Variants in MOK observed in about 807,000 individuals in gnomAD.
MOK encodes the protein MOK protein kinase, also known as MAPK/MAK/MRK overlapping kinase.
A neutral mutation model predicts 54.2 loss-of-function variants in MOK; 59 were observed. The ratio of observed to expected loss-of-function variants is 1.09; its 90% confidence interval spans 0.88 to 1.35. MOK has a LOEUF of 1.35. Ranked by LOEUF, MOK falls within the 40% of genes most tolerant of loss-of-function variation. The pLI is 0.00. For missense variants in MOK, 517 were observed against 526.2 expected (o/e 0.98, Z 0.17); for synonymous variants, 210 against 202.7 (o/e 1.04, Z -0.31).
chr14:102,222,087 C>T (rs961125248), downstream of MOK, among the ~76,000 whole-genome samples: 118 of 151,768 alleles, frequency 7.8e-4, 1 homozygote, highest in Non-Finnish European at 2.2e-4. The surrounding 1 kb of genome is among the most constrained non-coding windows in gnomAD (Gnocchi z 4.4). Flanking sequence ...TGAGATTCCC[C>T]GCCCCCGCCC....
At chr14:102,290,982 C>T (rs2070706971) in intron 1 of MOK, among the ~76,000 whole-genome samples, 1 of 152,168 alleles carries the variant, frequency 6.6e-6, no homozygotes, top group Admixed American at 6.6e-5. Flanking sequence ...CTATTAGAAT[C>T]CCTTTTATCC....
intron 3 of MOK, chr14:102,264,210 CAA>C (rs66463478): frequency 0.18 from 15,888 of 88,192 alleles, 651 homozygotes; most frequent in South Asian, 0.25. Context: ...GACCCTGTCT[CAA>C]AAAAAAAAAA....
At chr14:102,216,270 C>T in the MOK span, among the ~76,000 whole-genome samples, 2 of 152,348 alleles carry the variant, frequency 1.3e-5, no homozygotes, top group African/African-American at 2.4e-5. Flanking sequence ...CTACGACTGC[C>T]ACAAGAGTGC....
At position 102,245,079 on chromosome 14, in the gene MOK, C is replaced by T. The variant is rs552389836; in HGVS notation, c.590+5733G>A. On this transcript the variant is annotated intron_variant, in intron 7 of 11. Transcript: ENST00000361847. The surrounding 1 kb of genome is among the most constrained non-coding windows in gnomAD (Gnocchi z 4.3). ...CCTCCCAATTCTTAGTCCTTTAATA[C>T]CTGTTTTTCTCCTTCTCTTATTTGG... Among the ~76,000 whole-genome samples, 12 of 152,248 alleles carry T rather than the reference C, an allele frequency of 7.9e-5. No individual in the cohort carries two copies. The South Asian group carries it at 2.5e-3, about 32-fold the overall frequency.
chr14:102,254,935 A>G (rs1056328171), intron 4 of MOK, among the ~76,000 whole-genome samples: 4 of 152,216 alleles, frequency 2.6e-5, no homozygotes, highest in Non-Finnish European at 5.9e-5. Flanking sequence ...TCTTACTCGT[A>G]TCATAAAATT....
At chr14:102,259,474 T>G (rs1204185631) in intron 4 of MOK, among the ~76,000 whole-genome samples, 1 of 152,218 alleles carries the variant, frequency 6.6e-6, no homozygotes, top group Non-Finnish European at 1.5e-5. Flanking sequence ...GAGTCAGGCT[T>G]GAGTTCAAAT....
intron 2 of MOK, chr14:102,278,644 A>T (rs1394410047): frequency 2.2e-6 from 1 of 454,624 alleles, no homozygotes; most frequent in Admixed American, 2.3e-5. Context: ...TAGGTTGGGT[A>T]GCAACGGGCC....
rs2064795103 is a variant in MOK at position 102,232,248 on chromosome 14, G to T, written c.866+287C>A. On this transcript the variant is annotated intron_variant, in intron 9 of 11. Coordinates refer to ENST00000361847, the MANE Select transcript of MOK (RefSeq NM_014226.3). This position sits in a 1 kb window ranked among gnomAD's most constrained non-coding sequence, Gnocchi z 5.1. The stretch of plus-strand genomic sequence containing the variant: ...ACCATTTACAAGGGCCGCACACCAG[G>T]CTCTTCTAGAAGGATTACTACCTGT... 5.1e-6 allele frequency: 2 copies of T among 391,590 alleles called. No individual in the cohort carries two copies. The highest frequency in any genetic ancestry group is 9.1e-6 in the Non-Finnish European group (2 of 220,626). 24.3% of individuals were successfully genotyped at this position (391,590 alleles called of 1,614,324 possible).
In MOK at chr14:102,242,826, TCCCTCCACAAC is replaced by T. The variant is rs1219381771; in HGVS notation, c.590+7975_590+7985del. Among the ~76,000 whole-genome samples, 6 of 152,104 alleles carry T rather than the reference TCCCTCCACAAC, an allele frequency of 3.9e-5. No individual in the cohort carries two copies. The East Asian group carries it at 5.8e-4, about 15-fold the overall frequency. ...CATATACTCTCCTATCCTCAATACC[TCCCTCCACAAC>T]CCCTCCACAACCCATTATTCTGTTC... On this transcript the variant is annotated intron_variant, in intron 7 of 11. Transcript: ENST00000361847.
At position 102,232,322 on chromosome 14, in the gene MOK, C is replaced by T; in HGVS notation, c.866+213G>A. The stretch of plus-strand genomic sequence containing the variant: ...GGACAGCCAGCCCCTCTTTCTCCTG[C>T]CGTGGAGCTGCTAACATCCTCATTT... On this transcript the variant is annotated intron_variant, in intron 9 of 11. Transcript: ENST00000361847. The surrounding 1 kb of genome is among the most constrained non-coding windows in gnomAD (Gnocchi z 5.1). 2.0e-6 allele frequency: 1 copy of T among 498,562 alleles called. No individual in the cohort carries two copies. Among genetic ancestry groups the T allele is most frequent in the Non-Finnish European group, 3.4e-6 (1 of 290,406 alleles). 30.9% of individuals were successfully genotyped at this position (498,562 alleles called of 1,614,324 possible). A position where few individuals can be genotyped will look rare whatever the true frequency, so the allele number is the denominator to read the frequency against.
intron 2 of MOK, among the ~76,000 whole-genome samples, chr14:102,271,859 G>A (rs1010628686): frequency 6.6e-5 from 10 of 150,800 alleles, no homozygotes; most frequent in Admixed American, 4.0e-4. Context: ...GCACCCAGCC[G>A]CAAAACCTAA....
rs765320111 is a variant in MOK at position 102,252,002 on chromosome 14, A to C, written c.284-7T>G. 14 of 1,514,166 alleles carry C rather than the reference A, an allele frequency of 9.2e-6. No individual in the cohort carries two copies. Among genetic ancestry groups the C allele is most frequent in the African/African-American group, 4.1e-5 (3 of 72,470 alleles). 93.8% of individuals were successfully genotyped at this position (1,514,166 alleles called of 1,614,324 possible). A position where few individuals can be genotyped will look rare whatever the true frequency, so the allele number is the denominator to read the frequency against. On this transcript the variant is annotated splice_region_variant and splice_polypyrimidine_tract_variant and intron_variant, in intron 4 of 11. Transcript: ENST00000361847. ...GATAATGGGTATCTTCTCCCTGTAC[A>C]ATCAAGGAAATAGGCAAATACGGTT...
rs369798345 is a variant in MOK, at chr14:102,283,488, G to T, written c.112C>A (p.Arg38Ser). 1 of 1,608,690 alleles carries T rather than the reference G, an allele frequency of 6.2e-7. No homozygotes were observed. The highest frequency in any genetic ancestry group is 8.5e-7 in the Non-Finnish European group (1 of 1,177,154). Reference sequence around the variant, plus strand: ...ATCTCTGTAGCCTACCTTTCAAAGCGCTGCTTCATTTGTTTACATGCATAG... The same window carrying T: ...ATCTCTGTAGCCTACCTTTCAAAGCTCTGCTTCATTTGTTTACATGCATAG... ...NYYACKQMKQ[R>S]FESIEQVNNL... The change falls in exon 2 of 12, where the codon CGC (arginine) becomes AGC (serine). Residue 38 changes from arginine to serine, a missense_variant. By Grantham distance (110) the Arg-to-Ser change is moderately radical. Transcript: ENST00000361847.
At chr14:102,260,091 G>A (rs1053789770) in intron 4 of MOK, among the ~76,000 whole-genome samples, 5 of 151,386 alleles carry the variant, frequency 3.3e-5, no homozygotes, top group South Asian at 2.1e-4. Flanking sequence ...CAGGAGAATC[G>A]CTTGAACCCG....
At chr14:102,280,177 A>G (rs2069269685) in intron 2 of MOK, among the ~76,000 whole-genome samples, 1 of 151,866 alleles carries the variant, frequency 6.6e-6, no homozygotes, top group South Asian at 2.1e-4. Flanking sequence ...CGCATACCAA[A>G]AGTGCCTGGT....
downstream of MOK, among the ~76,000 whole-genome samples, chr14:102,227,413 C>T (rs1567119004): frequency 6.6e-6 from 1 of 151,836 alleles, no homozygotes; most frequent in Non-Finnish European, 1.5e-5. Context: ...ACGTCCGACT[C>T]CCCTGGGACT....
chr14:102,216,101 G>A, the MOK span, among the ~76,000 whole-genome samples: 1 of 152,144 alleles, frequency 6.6e-6, no homozygotes, highest in Non-Finnish European at 1.5e-5. Context: ...ACGTTCATCG[G>A]GTGGGGAACT....
intron 4 of MOK, among the ~76,000 whole-genome samples, chr14:102,261,943 C>A (rs1024511974): frequency 6.7e-6 from 1 of 148,824 alleles, no homozygotes; most frequent in African/African-American, 2.5e-5. Context: ...TCCTGTTACA[C>A]CATTCTCCTG....
chr14:102,295,163 G>C (rs757753030), intron 1 of MOK, among the ~76,000 whole-genome samples: 1 of 152,096 alleles, frequency 6.6e-6, no homozygotes, highest in East Asian at 1.9e-4. Flanking sequence ...GTAAATGAAC[G>C]TCATGCCCCA....
Sources: allele counts gnomAD v4.1 joint callset (sites outside exome capture counted in the v4.1 genomes callset), GRCh38; gene constraint gnomAD v4.1.1; non-coding constraint Gnocchi (gnomAD v3.1); transcripts MANE v1.5; gene names NCBI Gene and HGNC (gene_info 2026-07-23, HGNC 2026-07-21).